Variants in TENM4 observed in about 807,000 individuals in gnomAD.
The protein encoded by TENM4 is teneurin transmembrane protein 4, also known as teneurin-4.
A neutral mutation model predicts 243.3 loss-of-function variants in TENM4; 82 were observed. That is an observed-to-expected ratio of 0.34 (90% confidence interval 0.28 to 0.40). The LOEUF (loss-of-function observed/expected upper bound fraction) is 0.40, where lower values mean the gene tolerates loss of function less well. TENM4 is among the 10% of genes least tolerant of loss of function. The pLI is 1.00. For synonymous variants in TENM4, 1,412 were observed against 1,456.3 expected, an observed-to-expected ratio of 0.97 and a Z score of 0.69; for missense variants, 3,138 against 3,673.3, an observed-to-expected ratio of 0.85 and a Z score of 3.77.
chr11:79,041,370 G>T (rs1338251483), intron 6 of TENM4, among the ~76,000 whole-genome samples: 1 of 151,906 alleles, frequency 6.6e-6, no homozygotes, highest in Non-Finnish European at 1.5e-5. Context: ...GGCCTCATTT[G>T]TCTCTTGAAG....
Position 79,000,561 on chromosome 11 carries a change from T to C in TENM4, c.493+64177A>G, listed in dbSNP as rs947275693. Among the ~76,000 whole-genome samples the C allele has an allele frequency of 6.6e-5, 10 of 152,180 alleles. No homozygotes were observed. In the South Asian group the frequency reaches 1.7e-3, roughly 25 times the overall value. On this transcript the variant is annotated intron_variant, in intron 6 of 33. Transcript: ENST00000278550. ...GTGAAATTGGTAGTGACAAAATAGA[T>C]TGTGACAAATTAAAATGCATTTTGT...
Position 78,703,913 on chromosome 11 carries a change from A to G in TENM4, c.4210-1510T>C, listed in dbSNP as rs538347784. Among the ~76,000 whole-genome samples the G allele has an allele frequency of 6.9e-4, 104 of 151,216 alleles. 1 individual carries two copies. Among genetic ancestry groups the G allele is most frequent in the African/African-American group, 2.4e-3 (97 of 41,110 alleles). On this transcript the variant is annotated intron_variant, in intron 27 of 33. Transcript: ENST00000278550. ...GTCACCCGGGCTGGAGTGAAGTGGT[A>G]CAATCTTGACTCACTGCAGCCTCCA...
intron 16 of TENM4, among the ~76,000 whole-genome samples, chr11:78,784,477 AC>A: frequency 6.6e-6 from 1 of 152,278 alleles, no homozygotes; most frequent in African/African-American, 2.4e-5. Context: ...AGAGAAGGTT[AC>A]CATGCAGGAA....
Position 78,656,828 on chromosome 11 carries a change from C to T in TENM4, c.*1230G>A, listed in dbSNP as rs554200830. 130 of 393,746 alleles carry T rather than the reference C, an allele frequency of 3.3e-4. No individual in the cohort carries two copies. Among genetic ancestry groups the T allele is most frequent in the Middle Eastern group, 1.9e-3 (3 of 1,570 alleles). The allele number at this position is 393,746 out of a possible 1,614,324, so 24.4% of individuals were successfully genotyped here. On this transcript the variant is annotated 3_prime_UTR_variant, in exon 34 of 34. Coordinates refer to ENST00000278550, the MANE Select transcript of TENM4 (RefSeq NM_001098816.3). ...TCCTGGAAGCCCAGCCTGCCCCAGT[C>T]CAGCTCTGCGATCAGCTGGTACATG...
intron 2 of TENM4, chr11:79,269,746 A>T (rs904488732): frequency 2.0e-5 from 3 of 152,214 alleles, no homozygotes; most frequent in African/African-American, 2.4e-5. Context: ...ACAGATGCCA[A>T]TTACAGGGGG....
intron 6 of TENM4, among the ~76,000 whole-genome samples, chr11:78,912,857 G>C (rs57153553): frequency 0.041 from 6,258 of 152,174 alleles, 166 homozygotes; most frequent in African/African-American, 0.068. Flanking sequence ...AATTTGACTG[G>C]GCCACCATTT....
chr11:78,827,740 C>CA (rs1169068930), intron 12 of TENM4, among the ~76,000 whole-genome samples: 2 of 152,114 alleles, frequency 1.3e-5, no homozygotes, highest in Non-Finnish European at 2.9e-5. Flanking sequence ...CTGCCTGCCT[C>CA]AGCCTCCCAA....
At chr11:79,349,523 G>A (rs1857381094) in intron 1 of TENM4, among the ~76,000 whole-genome samples, 1 of 152,118 alleles carries the variant, frequency 6.6e-6, no homozygotes, top group Admixed American at 6.5e-5. Flanking sequence ...TACATATTTA[G>A]CACTTTCTAT....
chr11:78,708,153 T>G (rs1859302648), intron 27 of TENM4, among the ~76,000 whole-genome samples: 1 of 152,378 alleles, frequency 6.6e-6, no homozygotes, highest in African/African-American at 2.4e-5. Context: ...TCCCCTGGGC[T>G]TCCACTTGTT....
chr11:79,174,909 A>C (rs1252989452), intron 3 of TENM4, among the ~76,000 whole-genome samples: 1 of 152,134 alleles, frequency 6.6e-6, no homozygotes, highest in Non-Finnish European at 1.5e-5. Flanking sequence ...CATACTTTTA[A>C]AATAATCCCT....
intron 2 of TENM4, among the ~76,000 whole-genome samples, chr11:79,259,882 G>A (rs1000886067): frequency 3.9e-5 from 6 of 152,244 alleles, no homozygotes; most frequent in South Asian, 2.1e-4. Flanking sequence ...ATATCACATC[G>A]CTTGCTGACA....
intron 6 of TENM4, among the ~76,000 whole-genome samples, chr11:78,981,772 A>G (rs145067688): frequency 0.011 from 1,732 of 152,282 alleles, 31 homozygotes; most frequent in African/African-American, 0.04. Flanking sequence ...TGCATAAGGC[A>G]TCTTAAGATC....
chr11:79,328,641 G>A (rs562178708), intron 1 of TENM4, among the ~76,000 whole-genome samples: 1 of 152,168 alleles, frequency 6.6e-6, no homozygotes, highest in Non-Finnish European at 1.5e-5. Flanking sequence ...CAGGAAGAGT[G>A]TGGGAAGAAG....
At chr11:79,004,463 G>A (rs2136717586) in intron 6 of TENM4, among the ~76,000 whole-genome samples, 1 of 152,220 alleles carries the variant, frequency 6.6e-6, no homozygotes, top group Non-Finnish European at 1.5e-5. Context: ...TGAGAAAATT[G>A]CACAAAACCA....
In TENM4 at chr11:78,975,523, A is replaced by G. The variant is rs531152563; in HGVS notation, c.494-72000T>C. Among the ~76,000 whole-genome samples the G allele has an allele frequency of 2.0e-4, 31 of 152,084 alleles. No homozygotes were observed. The East Asian group carries it at 5.2e-3, about 26-fold the overall frequency. On this transcript the variant is annotated intron_variant, in intron 6 of 33. Transcript: ENST00000278550. ...GGAGGCTTGGGCTCTGCACTTTGGT[A>G]CTGAGATTTGACTAAGAAAGTCCTT...
Position 79,414,071 on chromosome 11 carries a change from T to C in TENM4, c.-321+26438A>G, listed in dbSNP as rs373308365. ...TATCTCTATACCTCAAAATTCAACTTGACTTTGCTCTCAAAGGGAGACAGA... is the reference window on the plus strand; with the variant it reads ...TATCTCTATACCTCAAAATTCAACTCGACTTTGCTCTCAAAGGGAGACAGA... On this transcript the variant is annotated intron_variant, in intron 1 of 33. Transcript: ENST00000278550. 1.2e-4 allele frequency among the ~76,000 whole-genome samples: 18 copies of C among 152,126 alleles called. No individual in the cohort carries two copies. In the South Asian group the frequency reaches 1.2e-3, roughly 11 times the overall value.
intron 12 of TENM4, among the ~76,000 whole-genome samples, chr11:78,826,812 CA>C (rs199672645): frequency 2.0e-5 from 3 of 151,500 alleles, no homozygotes; most frequent in South Asian, 2.1e-4. Flanking sequence ...TTGTTAAATA[CA>C]AAAAAAAAGT....
At chr11:79,040,936 T>C (rs1359336918) in intron 6 of TENM4, among the ~76,000 whole-genome samples, 1 of 152,208 alleles carries the variant, frequency 6.6e-6, no homozygotes, top group Admixed American at 6.5e-5. Flanking sequence ...ACTTGCATCC[T>C]GCTTGTGCCC....
chr11:78,874,981 A>G (rs1379914156), intron 9 of TENM4, among the ~76,000 whole-genome samples: 1 of 152,188 alleles, frequency 6.6e-6, no homozygotes, highest in Admixed American at 6.5e-5. Flanking sequence ...CAATCTACTC[A>G]TGCTGGAGGA....
Sources: gnomAD v4.1 joint callset for allele counts (sites outside exome capture counted in the v4.1 genomes callset) on GRCh38, gnomAD v4.1.1 for gene constraint, MANE v1.5 for transcripts, NCBI Gene and HGNC (gene_info 2026-07-23, HGNC 2026-07-21) for gene names.